CHRNB3: variants seen among roughly 807,000 people sequenced by gnomAD.
The protein encoded by CHRNB3 is cholinergic receptor nicotinic beta 3 subunit.
Under a neutral mutation model 40.6 loss-of-function variants are expected in CHRNB3, and 37 were observed. The ratio of observed to expected loss-of-function variants is 0.91; its 90% CI spans 0.70 to 1.20. CHRNB3 has a LOEUF of 1.20. CHRNB3 is among the 50% of genes most tolerant of loss of function. The pLI is 0.00. For synonymous variants in CHRNB3, 207 were observed against 207.1 expected, an observed-to-expected ratio of 1.00 and a Z score of 0.00; for missense variants, 505 against 551.2, an observed-to-expected ratio of 0.92 and a Z score of 0.84.
At chr8:42,725,937 G>T in intron 3 of CHRNB3, 2 of 937,024 alleles carry the variant, frequency 2.1e-6, no homozygotes, top group Non-Finnish European at 1.7e-6. Context: ...GTAAACTCAC[G>T]CCATCAATCC....
At chr8:42,712,524 A>G (rs1456109499) in intron 3 of CHRNB3, among the ~76,000 whole-genome samples, 1 of 152,194 alleles carries the variant, frequency 6.6e-6, no homozygotes, top group African/African-American at 2.4e-5. Flanking sequence ...TAATCAGTAG[A>G]AACGGTCTGA....
intron 1 of CHRNB3, among the ~76,000 whole-genome samples, chr8:42,708,310 C>CA (rs1157812026): frequency 2.6e-5 from 4 of 152,016 alleles, no homozygotes; most frequent in Admixed American, 2.6e-4. Context: ...ACTAAAAATA[C>CA]AAAAAATTAG....
chr8:42,708,686 T>C, intron 1 of CHRNB3, 31 bp from the exon 2 acceptor site: 1 of 1,610,142 alleles, frequency 6.2e-7, no homozygotes, highest in Non-Finnish European at 8.5e-7. Context: ...CCCCTCCCAT[T>C]AACCCAGGTC....
At chr8:42,703,948 G>A (rs1464734075) in intron 1 of CHRNB3, among the ~76,000 whole-genome samples, 3 of 152,154 alleles carry the variant, frequency 2.0e-5, no homozygotes, top group African/African-American at 7.2e-5. Flanking sequence ...GAAAGGTTCT[G>A]GAAATTTGAA....
intron 3 of CHRNB3, chr8:42,714,805 AGTGACTTGCCCAGG>A (rs1425504749): frequency 6.6e-6 from 1 of 152,260 alleles, no homozygotes; most frequent in Non-Finnish European, 1.5e-5. Context: ...GGAGAGTGGA[AGTGACTTGCCCAGG>A]GTTAAGCACT....
intron 3 of CHRNB3, chr8:42,725,858 G>C: frequency 1.2e-6 from 1 of 811,990 alleles, no homozygotes; most frequent in Non-Finnish European, 2.2e-6. Flanking sequence ...AGGTTCTGGG[G>C]GGTGACTTTT....
chr8:42,718,919 A>AT (rs1488029049), intron 3 of CHRNB3, among the ~76,000 whole-genome samples: 2 of 151,772 alleles, frequency 1.3e-5, no homozygotes, highest in Non-Finnish European at 2.9e-5. Context: ...GTGTTTTTCC[A>AT]TTTTTTTCTT....
At chr8:42,724,584 C>T (rs62518217) in intron 3 of CHRNB3, among the ~76,000 whole-genome samples, 8,697 of 152,172 alleles carry the variant, frequency 0.057, 321 homozygotes, top group Middle Eastern at 0.11. Flanking sequence ...TAGAGTTACT[C>T]ATTTACCACC....
chr8:42,730,449 C>T, intron 3 of CHRNB3, 145 bp from the exon 4 acceptor site: 1 of 516,396 alleles, frequency 1.9e-6, no homozygotes, highest in Non-Finnish European at 3.4e-6. Flanking sequence ...GTACTGAGTC[C>T]CCAGTAGGGT....
intron 5 of CHRNB3, among the ~76,000 whole-genome samples, chr8:42,733,327 G>A (rs1027181381): frequency 6.6e-6 from 1 of 151,966 alleles, no homozygotes; most frequent in South Asian, 2.1e-4. Context: ...AAGAGAAGGA[G>A]AAAGAAAAGA....
Position 42,723,509 on chromosome 8 carries a change from C to T in CHRNB3, c.250-7085C>T, listed in dbSNP as rs72644013. Among the ~76,000 whole-genome samples the T allele has an allele frequency of 1.8e-3, 276 of 152,310 alleles. 1 individual carries two copies. Among genetic ancestry groups the T allele is most frequent in the Middle Eastern group, 6.8e-3 (2 of 294 alleles). On this transcript the variant is annotated intron_variant, in intron 3 of 5. Coordinates refer to ENST00000289957, the MANE Select transcript of CHRNB3 (RefSeq NM_000749.5). ...GCATTTTAAGCTACAGGTTTTCCCA[C>T]TGCAGTGCATCATGGGGAGAGGTAA...
At chr8:42,704,751 G>A (rs62516743) in intron 1 of CHRNB3, among the ~76,000 whole-genome samples, 4,867 of 152,208 alleles carry the variant, frequency 0.032, 121 homozygotes, top group Middle Eastern at 0.11. Context: ...CCTCCCTGGA[G>A]TGCCTCCATC....
intron 3 of CHRNB3, among the ~76,000 whole-genome samples, chr8:42,717,819 C>CTTTTTTTTTTTT (rs71550406): frequency 1.0e-5 from 1 of 100,184 alleles, no homozygotes; most frequent in Non-Finnish European, 1.9e-5. Context: ...CTTTCTCATC[C>CTTTTTTTTTTTT]TTTTTTTTTT....
chr8:42,735,199 G>A (rs941071869), intron 5 of CHRNB3, among the ~76,000 whole-genome samples: 3 of 151,098 alleles, frequency 2.0e-5, no homozygotes, highest in African/African-American at 4.9e-5. Flanking sequence ...CAGCCTGGGC[G>A]ACAGAGCAAG....
chr8:42,735,375 T>G (rs991147627), intron 5 of CHRNB3, among the ~76,000 whole-genome samples: 1 of 150,694 alleles, frequency 6.6e-6, no homozygotes, highest in Non-Finnish European at 1.5e-5. Flanking sequence ...CTGTCTCTAC[T>G]AAAAATACAA....
At position 42,731,613 on chromosome 8, in the gene CHRNB3, C is replaced by A. The variant is rs994642723; in HGVS notation, c.360-54C>A. The A allele has an allele frequency of 9.2e-6, 14 of 1,514,992 alleles. No individual in the cohort carries two copies. In the Middle Eastern group the frequency reaches 5.4e-4, roughly 58 times the overall value. The allele number at this position is 1,514,992 out of a possible 1,614,324, so 93.8% of individuals were successfully genotyped here. On this transcript the variant is annotated intron_variant, in intron 4 of 5. Transcript: ENST00000289957. ...AAATAGTCAATGCTGGGAAAAAGAA[C>A]AAAAACTAGCAGGTGCTCCACCGAC...
chr8:42,704,155 G>A (rs531193356), intron 1 of CHRNB3, among the ~76,000 whole-genome samples: 1 of 152,152 alleles, frequency 6.6e-6, no homozygotes, highest in South Asian at 2.1e-4. Flanking sequence ...TTCTGGTGAG[G>A]GCTCTGTTCC....
chr8:42,717,254 G>T (rs1816126153), intron 3 of CHRNB3, among the ~76,000 whole-genome samples: 1 of 138,186 alleles, frequency 7.2e-6, no homozygotes, highest in South Asian at 2.5e-4. Context: ...GGCGCCTGTA[G>T]TCCCAGCTAC....
chr8:42,708,565 T>C (rs912602921), intron 1 of CHRNB3, 152 bp from the exon 2 acceptor site: 21 of 728,080 alleles, frequency 2.9e-5, no homozygotes, highest in Non-Finnish European at 4.3e-5. Flanking sequence ...GTGGAGACTC[T>C]TGCATGCTCC....
Sources: allele counts gnomAD v4.1 joint callset (sites outside exome capture counted in the v4.1 genomes callset), GRCh38; gene constraint gnomAD v4.1.1; transcripts MANE v1.5; gene names NCBI Gene and HGNC (gene_info 2026-07-23, HGNC 2026-07-21).